SPTLC2: variants seen among roughly 807,000 people sequenced by gnomAD.
SPTLC2 encodes the protein serine palmitoyltransferase 2.
In SPTLC2, 21 loss-of-function variants were observed where a neutral mutation model predicts 62.0. The observed-to-expected ratio is 0.34, with a 90% CI of 0.24 to 0.49. The LOEUF is 0.49. Ranked by LOEUF, SPTLC2 falls within the 20% of genes least tolerant of loss-of-function variation. The pLI, the probability that SPTLC2 is intolerant of heterozygous loss-of-function variation, is 0.99. For synonymous variants in SPTLC2, 261 were observed against 261.8 expected (o/e 1.00, Z 0.03); for missense variants, 511 against 713.0 (o/e 0.72, Z 3.23).
intron 9 of SPTLC2, among the ~76,000 whole-genome samples, chr14:77,534,128 A>T (rs567358453): frequency 1.1e-4 from 16 of 152,012 alleles, no homozygotes; most frequent in Non-Finnish European, 1.9e-4. Flanking sequence ...GCCGCACTAC[A>T]GCCTGGACAA....
intron 9 of SPTLC2, among the ~76,000 whole-genome samples, chr14:77,538,409 C>T (rs188987928): frequency 1.3e-5 from 2 of 152,150 alleles, no homozygotes; most frequent in African/African-American, 2.4e-5. Context: ...AGAATAGGCA[C>T]AGAGATATGC....
intron 4 of SPTLC2, among the ~76,000 whole-genome samples, chr14:77,571,818 T>C (rs1238198241): frequency 2.0e-5 from 3 of 151,722 alleles, no homozygotes; most frequent in Admixed American, 6.6e-5. Flanking sequence ...AGAGAGAGAG[T>C]CTCGCACTGT....
At chr14:77,553,128 CA>C (rs1180694228) in intron 8 of SPTLC2, among the ~76,000 whole-genome samples, 2 of 152,040 alleles carry the variant, frequency 1.3e-5, no homozygotes, top group Non-Finnish European at 2.9e-5. Context: ...ACAAGGATTT[CA>C]AAAAAACTTA....
At chr14:77,561,715 A>AAAACAT (rs1295106939) in intron 6 of SPTLC2, among the ~76,000 whole-genome samples, 1 of 152,196 alleles carries the variant, frequency 6.6e-6, no homozygotes, top group Non-Finnish European at 1.5e-5. Flanking sequence ...AACAAAAACA[A>AAAACAT]AAATGATGTT....
intron 1 of SPTLC2, 64 bp downstream of exon 1, chr14:77,616,384 C>T: frequency 3.7e-6 from 4 of 1,078,176 alleles, no homozygotes; most frequent in Non-Finnish European, 4.7e-6. Flanking sequence ...GACCTCGCCC[C>T]GCCCGGCCGC....
rs1467568898 is a variant in SPTLC2 at position 77,510,897 on chromosome 14, A to C, written c.*1387T>G. 1 of 152,618 alleles carries C rather than the reference A, an allele frequency of 6.6e-6. No homozygotes were observed. The highest frequency in any genetic ancestry group is 2.4e-5 in the African/African-American group (1 of 41,440). 9.5% of individuals were successfully genotyped at this position (152,618 alleles called of 1,614,324 possible). On this transcript the variant is annotated 3_prime_UTR_variant, in exon 12 of 12. Coordinates refer to ENST00000216484, the MANE Select transcript of SPTLC2 (RefSeq NM_004863.4). Reference sequence around the variant, plus strand: ...TATGCCAAAAGTCCTCTTCACTTAAACTTTGGTTCAACTGAAAAAATAACT... The same window carrying C: ...TATGCCAAAAGTCCTCTTCACTTAACCTTTGGTTCAACTGAAAAAATAACT...
intron 2 of SPTLC2, among the ~76,000 whole-genome samples, chr14:77,579,640 G>A (rs969651303): frequency 6.6e-6 from 1 of 152,078 alleles, no homozygotes; most frequent in Non-Finnish European, 1.5e-5. Flanking sequence ...CAGCTACTCG[G>A]GAGGCTGAGG....
In SPTLC2 at chr14:77,512,146, G is replaced by A; in HGVS notation, c.*138C>T. On this transcript the variant is annotated 3_prime_UTR_variant, in exon 12 of 12. Coordinates refer to ENST00000216484, the MANE Select transcript of SPTLC2 (RefSeq NM_004863.4). ...TATTTACAAAATGTCATTTAGAGTGGAGGTGGCCACCTTCAGTAGCTGAGG... is the reference window on the plus strand; with the variant it reads ...TATTTACAAAATGTCATTTAGAGTGAAGGTGGCCACCTTCAGTAGCTGAGG... 1 of 1,146,808 alleles carries A rather than the reference G, an allele frequency of 8.7e-7. No homozygotes were observed. Among genetic ancestry groups the A allele is most frequent in the Non-Finnish European group, 1.3e-6 (1 of 770,742 alleles). 71.0% of individuals were successfully genotyped at this position (1,146,808 alleles called of 1,614,324 possible). A position where few individuals can be genotyped will look rare whatever the true frequency, so the allele number is the denominator to read the frequency against.
chr14:77,530,244 A>G (rs193276760), intron 9 of SPTLC2, among the ~76,000 whole-genome samples: 1 of 152,318 alleles, frequency 6.6e-6, no homozygotes, highest in African/African-American at 2.4e-5. Context: ...TTTCAAAAAA[A>G]GATAAGCAAA....
intron 2 of SPTLC2, among the ~76,000 whole-genome samples, chr14:77,595,482 T>G (rs1189887891): frequency 6.6e-6 from 1 of 152,210 alleles, no homozygotes. Flanking sequence ...TCAAAAAACT[T>G]ATTTACCTTC....
intron 9 of SPTLC2, among the ~76,000 whole-genome samples, chr14:77,528,255 G>C (rs2079418795): frequency 6.6e-6 from 1 of 151,624 alleles, no homozygotes; most frequent in Admixed American, 6.6e-5. Flanking sequence ...TTTTGAGATG[G>C]AGTTTCACTC....
At chr14:77,545,002 C>T (rs1239687501) in intron 9 of SPTLC2, among the ~76,000 whole-genome samples, 2 of 152,066 alleles carry the variant, frequency 1.3e-5, no homozygotes, top group African/African-American at 4.8e-5. Context: ...AGCCCACCCT[C>T]TCTCCCCCAC....
chr14:77,597,492 C>G (rs986305037), intron 1 of SPTLC2, 112 bp from the exon 2 acceptor site: 1 of 1,035,836 alleles, frequency 9.7e-7, no homozygotes. Flanking sequence ...TTTCTAAGTT[C>G]CGCCGGGCGC....
chr14:77,523,353 AG>A (rs574486879), intron 9 of SPTLC2, among the ~76,000 whole-genome samples: 477 of 152,336 alleles, frequency 3.1e-3, no homozygotes, highest in African/African-American at 7.6e-3. Flanking sequence ...GCTGCTGCAC[AG>A]GGAAGGAGGG....
rs543292781 is a variant in SPTLC2, at chr14:77,552,848, C to T, written c.1177-626G>A. On this transcript the variant is annotated intron_variant, in intron 8 of 11. Coordinates refer to ENST00000216484, the MANE Select transcript of SPTLC2 (RefSeq NM_004863.4). Reference sequence around the variant, plus strand: ...AAAAGTTAAAAATAAATGAACACAGCTGAATTAAACAAGGTGTTTGGATTG... The same window carrying T: ...AAAAGTTAAAAATAAATGAACACAGTTGAATTAAACAAGGTGTTTGGATTG... 7.7e-4 allele frequency among the ~76,000 whole-genome samples: 116 copies of T among 150,846 alleles called. No homozygotes were observed. In the South Asian group the frequency reaches 8.1e-3, roughly 10 times the overall value.
intron 9 of SPTLC2, 138 bp from the exon 10 acceptor site, chr14:77,521,719 A>G: frequency 3.9e-6 from 3 of 769,664 alleles, no homozygotes; most frequent in Non-Finnish European, 6.6e-6. Flanking sequence ...AATATTTTAC[A>G]GAGTAAACCA....
intron 9 of SPTLC2, chr14:77,547,744 A>C (rs2079536232): frequency 1.3e-5 from 2 of 152,058 alleles, no homozygotes; most frequent in Non-Finnish European, 2.9e-5. Flanking sequence ...CTGATGGCTG[A>C]ACTTGGTGCA....
At chr14:77,523,814 G>A (rs550806477) in intron 9 of SPTLC2, among the ~76,000 whole-genome samples, 1 of 152,218 alleles carries the variant, frequency 6.6e-6, no homozygotes, top group African/African-American at 2.4e-5. Flanking sequence ...GCTTTGAAAG[G>A]ATCCTACTGA....
intron 10 of SPTLC2, 119 bp downstream of exon 10, chr14:77,521,327 A>C (rs1594968607): frequency 7.9e-7 from 1 of 1,268,310 alleles, no homozygotes; most frequent in Non-Finnish European, 1.1e-6. Context: ...CATATGTACC[A>C]AATGAAGGTT....
Sources: gnomAD v4.1 joint callset for allele counts (sites outside exome capture counted in the v4.1 genomes callset) on GRCh38, gnomAD v4.1.1 for gene constraint, MANE v1.5 for transcripts, NCBI Gene and HGNC (gene_info 2026-07-23, HGNC 2026-07-21) for gene names.